Variants in PRKAG2 observed in about 807,000 individuals in gnomAD.
The protein encoded by PRKAG2 is protein kinase AMP-activated non-catalytic subunit gamma 2, also known as 5'-AMP-activated protein kinase subunit gamma-2.
Under a neutral mutation model 69.6 loss-of-function variants are expected in PRKAG2, and 26 were observed. The ratio of observed to expected loss-of-function variants is 0.37; its 90% CI spans 0.27 to 0.52. PRKAG2 has a LOEUF of 0.52. Ranked by LOEUF, PRKAG2 falls within the 20% of genes least tolerant of loss-of-function variation. The probability of loss-of-function intolerance (pLI) is 0.90; values close to 1 mark genes in which losing one functional copy is unlikely to be tolerated. For synonymous variants in PRKAG2, 293 were observed against 285.0 expected, an observed-to-expected ratio of 1.03 and a Z score of -0.28; for missense variants, 557 against 740.0, an observed-to-expected ratio of 0.75 and a Z score of 2.87.
At chr7:151,730,841 C>T (rs1798815353) in intron 3 of PRKAG2, among the ~76,000 whole-genome samples, 2 of 152,152 alleles carry the variant, frequency 1.3e-5, no homozygotes, top group African/African-American at 2.4e-5. Context: ...AGGATGCTGG[C>T]GTTCTGGGCA....
Position 151,781,001 on chromosome 7 carries a change from G to T in PRKAG2, c.466+151C>A. 9.9e-7 allele frequency: 1 copy of T among 1,012,138 alleles called. No individual in the cohort carries two copies. The highest frequency in any genetic ancestry group is 1.5e-6 in the Non-Finnish European group (1 of 659,084). 62.7% of individuals were successfully genotyped at this position (1,012,138 alleles called of 1,614,324 possible). On this transcript the variant is annotated intron_variant, in intron 3 of 15. Coordinates refer to ENST00000287878, the MANE Select transcript of PRKAG2 (RefSeq NM_016203.4). This position sits in a 1 kb window ranked among gnomAD's most constrained non-coding sequence, Gnocchi z 6.1. ...GTTCTGGAGAGAGATTTGTTTAGGG[G>T]GAAGTGGGGGTGGGGAGAAACAGAT...
intron 3 of PRKAG2, among the ~76,000 whole-genome samples, chr7:151,760,757 C>A (rs1009665553): frequency 2.0e-5 from 3 of 152,158 alleles, no homozygotes; most frequent in African/African-American, 7.2e-5. Context: ...AACGTGGGGG[C>A]AGTTAAAGTC....
intron 1 of PRKAG2, among the ~76,000 whole-genome samples, chr7:151,862,131 C>T (rs1172494112): frequency 4.6e-5 from 7 of 152,054 alleles, no homozygotes; most frequent in South Asian, 2.1e-4. Context: ...TCTAGGCGCC[C>T]GGCCCGTCTC....
chr7:151,854,159 G>C (rs933107719), intron 1 of PRKAG2, among the ~76,000 whole-genome samples: 1 of 152,220 alleles, frequency 6.6e-6, no homozygotes, highest in Non-Finnish European at 1.5e-5. Context: ...CACCCCGACT[G>C]CTGTTGTTTA....
intron 3 of PRKAG2, among the ~76,000 whole-genome samples, chr7:151,710,272 C>T (rs1437701429): frequency 1.3e-5 from 2 of 152,146 alleles, no homozygotes; most frequent in South Asian, 2.1e-4. Context: ...ACCCGTGCCC[C>T]GCCCAGCCTG....
intron 5 of PRKAG2, among the ~76,000 whole-genome samples, chr7:151,602,064 G>A (rs1243499744): frequency 6.6e-6 from 1 of 152,256 alleles, no homozygotes; most frequent in Non-Finnish European, 1.5e-5. Context: ...CATGAGAGCG[G>A]CACAGAGAGA....
Position 151,595,453 on chromosome 7 carries a change from T to C in PRKAG2, c.756A>G (p.Ala252=). ...MLEKLEFEDE[A]VEDSESGVYM... is the part of the protein sequence containing the mutation. ...AAACACCACTTTCTGAGTCTTCTAC[T>C]GCTAAAAGAAAAAAAGGCAAAACAT... is the stretch of plus-strand genomic sequence containing the variant. Residue 252 remains alanine, a splice_region_variant and synonymous_variant, in exon 6 of 16, where the codon GCA becomes GCG. Transcript: ENST00000287878. 6.2e-7 allele frequency: 1 copy of C among 1,611,342 alleles called. No individual in the cohort carries two copies. The highest frequency in any genetic ancestry group is 8.5e-7 in the Non-Finnish European group (1 of 1,177,744).
chr7:151,721,293 T>C (rs1797054339), intron 3 of PRKAG2, among the ~76,000 whole-genome samples: 2 of 152,134 alleles, frequency 1.3e-5, no homozygotes, highest in African/African-American at 4.8e-5. Flanking sequence ...CCTTCCTGCT[T>C]CCTCTGCCAT....
intron 4 of PRKAG2, among the ~76,000 whole-genome samples, chr7:151,635,771 G>A (rs892856324): frequency 3.9e-5 from 6 of 151,942 alleles, no homozygotes; most frequent in Admixed American, 6.6e-5. Flanking sequence ...CATCTTGACT[G>A]TATCAATGTC....
intron 5 of PRKAG2, among the ~76,000 whole-genome samples, chr7:151,608,608 T>C (rs6464151): frequency 0.062 from 9,380 of 152,176 alleles, 948 homozygotes; most frequent in African/African-American, 0.21. Flanking sequence ...AGATCAAATT[T>C]GAGAGGGGCA....
chr7:151,709,327 T>C (rs1390384556), intron 3 of PRKAG2, among the ~76,000 whole-genome samples: 3 of 151,792 alleles, frequency 2.0e-5, no homozygotes, highest in East Asian at 3.9e-4. Flanking sequence ...ACGTGTGACA[T>C]TGAGTGACGT....
intron 3 of PRKAG2, among the ~76,000 whole-genome samples, chr7:151,726,930 T>C (rs1161332392): frequency 6.6e-5 from 10 of 152,134 alleles, no homozygotes; most frequent in Admixed American, 2.0e-4. Context: ...AAAAAGGTGA[T>C]ACTGGCTGGG....
At chr7:151,796,722 G>A (rs1162843640) in intron 1 of PRKAG2, among the ~76,000 whole-genome samples, 4 of 152,028 alleles carry the variant, frequency 2.6e-5, no homozygotes, top group Non-Finnish European at 4.4e-5. Flanking sequence ...CTTCCCCTTC[G>A]CAGAGCTGAC....
chr7:151,809,402 G>T, intron 1 of PRKAG2: 1 of 368,816 alleles, frequency 2.7e-6, no homozygotes, highest in South Asian at 2.0e-5. Context: ...TCCACCTGGC[G>T]AGCTTCGAGG....
intron 6 of PRKAG2, among the ~76,000 whole-genome samples, chr7:151,577,754 C>T (rs888503200): frequency 1.3e-5 from 2 of 151,172 alleles, no homozygotes; most frequent in African/African-American, 2.4e-5. Flanking sequence ...TACTAGCATA[C>T]CAATGAGAAA....
intron 3 of PRKAG2, chr7:151,736,328 C>T (rs897790930): frequency 9.4e-5 from 105 of 1,117,836 alleles, no homozygotes; most frequent in Non-Finnish European, 1.0e-4. Context: ...AACAGAACTT[C>T]GCAGGGGATT....
intron 1 of PRKAG2, among the ~76,000 whole-genome samples, chr7:151,801,095 C>T (rs569051488): frequency 9.2e-5 from 14 of 152,158 alleles, no homozygotes; most frequent in Non-Finnish European, 1.8e-4. Context: ...CTGCCCATCA[C>T]GCCAGGCCTG....
intron 3 of PRKAG2, among the ~76,000 whole-genome samples, chr7:151,691,965 T>C (rs985865573): frequency 2.0e-5 from 3 of 152,098 alleles, no homozygotes; most frequent in African/African-American, 7.2e-5. Flanking sequence ...AGCAGGAGGA[T>C]CATTTGAAGC....
Position 151,670,380 on chromosome 7 carries a change from A to G in PRKAG2, c.684+5040T>C, listed in dbSNP as rs185870387. Among the ~76,000 whole-genome samples, 470 of 152,110 alleles carry G rather than the reference A, an allele frequency of 3.1e-3. 1 individual carries two copies. Among genetic ancestry groups the G allele is most frequent in the Admixed American group, 4.5e-3 (69 of 15,284 alleles). On this transcript the variant is annotated intron_variant, in intron 4 of 15. Transcript: ENST00000287878. The stretch of plus-strand genomic sequence containing the variant: ...AAATTGCCCTCTACTTTTAAACACG[A>G]TTCCATTTCTTTCTACCTTCAGCTG...
Sources: allele counts gnomAD v4.1 joint callset (sites outside exome capture counted in the v4.1 genomes callset), GRCh38; gene constraint gnomAD v4.1.1; non-coding constraint Gnocchi (gnomAD v3.1); transcripts MANE v1.5; gene names NCBI Gene and HGNC (gene_info 2026-07-23, HGNC 2026-07-21).